NID1: variants seen among roughly 807,000 people sequenced by gnomAD.
NID1 encodes nidogen 1.
Under a neutral mutation model 130.6 loss-of-function variants are expected in NID1, and 76 were observed. The ratio of observed to expected loss-of-function variants is 0.58; its 90% CI spans 0.48 to 0.70. The LOEUF (loss-of-function observed/expected upper bound fraction) is 0.70. Ranked by LOEUF, NID1 falls within the 30% of genes least tolerant of loss-of-function variation. NID1 has a pLI of 0.00. For missense variants in NID1, 1,517 were observed against 1,664.8 expected (o/e 0.91, Z 1.54); for synonymous variants, 665 against 675.1 (o/e 0.98, Z 0.23).
chr1:236,003,205 G>C (rs1273424371), intron 12 of NID1, among the ~76,000 whole-genome samples: 1 of 107,188 alleles, frequency 9.3e-6, no homozygotes, highest in Non-Finnish European at 1.8e-5. Context: ...GTCACTCCTA[G>C]TGAACGACCG....
intron 7 of NID1, among the ~76,000 whole-genome samples, chr1:236,029,077 T>C (rs1413347461): frequency 6.6e-6 from 1 of 151,760 alleles, no homozygotes; most frequent in East Asian, 1.9e-4. Context: ...CTTGGGAAGC[T>C]GAGGCAGGAG....
At chr1:236,055,777 G>T (rs1023066515) in intron 1 of NID1, among the ~76,000 whole-genome samples, 2 of 152,156 alleles carry the variant, frequency 1.3e-5, no homozygotes, top group Non-Finnish European at 2.9e-5. Context: ...AGGGCCTGTG[G>T]CTCATTGTCC....
Position 236,026,069 on chromosome 1 carries a change from A to G in NID1, c.1811T>C (p.Ile604Thr), listed in dbSNP as rs374493914. 103 of 1,613,654 alleles carry G rather than the reference A, an allele frequency of 6.4e-5. No individual in the cohort carries two copies. The highest frequency in any genetic ancestry group is 8.5e-5 in the Non-Finnish European group (100 of 1,180,004). Residue 604 changes from isoleucine to threonine, a missense_variant, in exon 8 of 20, where the codon ATC (isoleucine) becomes ACC (threonine). By Grantham distance (89) the Ile-to-Thr change is moderately conservative (BLOSUM62 -1). Around this residue, in one of 3 missense-constraint regions of NID1, gnomAD observed 1,329 missense variants for 1,429.2 expected, o/e 0.93. Coordinates refer to ENST00000264187, the MANE Select transcript of NID1 (RefSeq NM_002508.3). Reference sequence around the variant, plus strand: ...GGTCTGGCGCCACTGGTAAGTGTAGATGCGTGAAGGAGATGCCCCATCTCG... The same window carrying G: ...GGTCTGGCGCCACTGGTAAGTGTAGGTGCGTGAAGGAGATGCCCCATCTCG... ...PERDGASPSR[I>T]YTYQWRQTIT...
Position 235,980,563 on chromosome 1 carries a change from A to G in NID1, c.3318T>C (p.Asp1106=), listed in dbSNP as rs1414335138. The change falls in exon 17 of 20, where the codon GAT becomes GAC. Residue 1106 remains aspartate, a synonymous_variant. Transcript: ENST00000264187. ...TCAGTCCATTGGGCAAGCCCAGGTC[A>G]TCCTGCACAAGGATCCTCCGGTTCG... ...DGTNRRILVQ[D]DLGLPNGLTF... The G allele has an allele frequency of 6.2e-7, 1 of 1,614,074 alleles. No individual in the cohort carries two copies. Among genetic ancestry groups the G allele is most frequent in the Admixed American group, 1.7e-5 (1 of 59,990 alleles).
chr1:236,058,512 G>A (rs181064627), intron 1 of NID1, among the ~76,000 whole-genome samples: 2 of 152,360 alleles, frequency 1.3e-5, no homozygotes, highest in Admixed American at 6.5e-5. Context: ...ACAAGAAGGG[G>A]ATGGACAGAG....
At chr1:236,044,963 C>T (rs1163183932) in intron 3 of NID1, among the ~76,000 whole-genome samples, 2 of 152,174 alleles carry the variant, frequency 1.3e-5, no homozygotes, top group South Asian at 2.1e-4. Flanking sequence ...CTTTGGGAGG[C>T]TGAGGTGGGC....
Position 235,977,771 on chromosome 1 carries a change from C to T in NID1, c.*96G>A. The T allele has an allele frequency of 2.8e-6, 4 of 1,435,680 alleles. No homozygotes were observed. The highest frequency in any genetic ancestry group is 3.8e-6 in the Non-Finnish European group (4 of 1,041,122). 88.9% of individuals were successfully genotyped at this position (1,435,680 alleles called of 1,614,324 possible). A position where few individuals can be genotyped will look rare whatever the true frequency, so the allele number is the denominator to read the frequency against. ...GCTGGGCTGGGTCTGGGCCTAGTGG[C>T]CACTCAGCCAGAGGACACTTTTCAA... On this transcript the variant is annotated 3_prime_UTR_variant, in exon 20 of 20. Transcript: ENST00000264187.
chr1:235,990,279 A>T (rs1657694369), intron 14 of NID1, among the ~76,000 whole-genome samples: 1 of 152,222 alleles, frequency 6.6e-6, no homozygotes, highest in Admixed American at 6.5e-5. Flanking sequence ...TGGCCCAAGT[A>T]GCATCTTTAC....
intron 5 of NID1, among the ~76,000 whole-genome samples, chr1:236,034,454 A>G (rs1254676258): frequency 6.6e-6 from 1 of 151,958 alleles, no homozygotes; most frequent in Non-Finnish European, 1.5e-5. Context: ...AAAGAAAAAG[A>G]AAAAGGCATG....
chr1:236,038,112 A>T lies in NID1; in HGVS notation c.1277T>A (p.Val426Asp). ...AGYTGNGRQCVAEGSPQRVNG... is the reference protein window; with the variant it reads ...AGYTGNGRQCDAEGSPQRVNG... Reference sequence around the variant, plus strand: ...ATAGAAAAGCAAATTACCTTCTGCAACACATTGCCTGCCATTGCCCGTATA... The same window carrying T: ...ATAGAAAAGCAAATTACCTTCTGCATCACATTGCCTGCCATTGCCCGTATA... The change falls in exon 5 of 20, where the codon GTT becomes GAT. Residue 426 changes from valine (V) to aspartate (D), a missense_variant. This residue lies in a region of NID1 where 1,329 missense variants were observed against 1,429.2 expected (regional missense o/e 0.93). Coordinates refer to ENST00000264187, the MANE Select transcript of NID1 (RefSeq NM_002508.3). 6.3e-7 allele frequency: 1 copy of T among 1,598,500 alleles called. No homozygotes were observed. The highest frequency in any genetic ancestry group is 8.6e-7 in the Non-Finnish European group (1 of 1,167,742).
chr1:236,061,004 AG>A (rs1240592830), intron 1 of NID1, among the ~76,000 whole-genome samples: 1 of 152,216 alleles, frequency 6.6e-6, no homozygotes, highest in African/African-American at 2.4e-5. Flanking sequence ...AAATTACAGG[AG>A]AAGAGTTCAG....
At chr1:236,022,596 C>A (rs1658798525) in intron 9 of NID1, among the ~76,000 whole-genome samples, 1 of 151,038 alleles carries the variant, frequency 6.6e-6, no homozygotes, top group Admixed American at 6.6e-5. Context: ...CCTCGGCCTC[C>A]CAAAGTGCTG....
chr1:235,979,176 G>A lies in NID1; in HGVS notation c.3510-69C>T. On this transcript the variant is annotated intron_variant, in intron 18 of 19. Transcript: ENST00000264187. This position sits in a 1 kb window ranked among gnomAD's most constrained non-coding sequence, Gnocchi z 4.6. Reference sequence around the variant, plus strand: ...CTTGAACTTGTATCTAAACAAGGCAGCCTCTTTGTCATTTTGAGGATAAAC... The same window carrying A: ...CTTGAACTTGTATCTAAACAAGGCAACCTCTTTGTCATTTTGAGGATAAAC... 1 of 987,704 alleles carries A rather than the reference G, an allele frequency of 1.0e-6. No homozygotes were observed. The highest frequency in any genetic ancestry group is 1.6e-6 in the Non-Finnish European group (1 of 623,480). 61.2% of individuals were successfully genotyped at this position (987,704 alleles called of 1,614,324 possible).
At position 236,032,388 on chromosome 1, in the gene NID1, G is replaced by A. The variant is rs946470961; in HGVS notation, c.1537+13C>T. The A allele has an allele frequency of 8.7e-6, 14 of 1,612,244 alleles. No homozygotes were observed. The highest frequency in any genetic ancestry group is 1.1e-5 in the Non-Finnish European group (13 of 1,178,992). On this transcript the variant is annotated intron_variant, in intron 6 of 19. Coordinates refer to ENST00000264187, the MANE Select transcript of NID1 (RefSeq NM_002508.3). ...TGTGTGACCCACTAATTTTAATGTC[G>A]GATATAAATTACCGGTGATGCTGAA...
At chr1:236,039,265 A>G (rs373647102) in intron 4 of NID1, among the ~76,000 whole-genome samples, 1 of 149,990 alleles carries the variant, frequency 6.7e-6, no homozygotes, top group Non-Finnish European at 1.5e-5. Context: ...GGTAAAATAT[A>G]TATAACATAA....
intron 6 of NID1, 72 bp downstream of exon 6, chr1:236,032,329 T>C (rs927831271): frequency 9.6e-6 from 15 of 1,556,062 alleles, no homozygotes; most frequent in Admixed American, 1.8e-5. Context: ...GAGTTCTCCT[T>C]CCATCCATCC....
At position 235,979,959 on chromosome 1, in the gene NID1, A is replaced by C. The variant is rs369791550; in HGVS notation, c.3386-14T>G. On this transcript the variant is annotated splice_polypyrimidine_tract_variant and intron_variant, in intron 17 of 19. Coordinates refer to ENST00000264187, the MANE Select transcript of NID1 (RefSeq NM_002508.3). This position sits in a 1 kb window ranked among gnomAD's most constrained non-coding sequence, Gnocchi z 4.6. ...CCCGATTGGTGCCTGTGTGGAGTGG[A>C]AACAATTCATTCATTGTTCACACAA... is the stretch of plus-strand genomic sequence containing the variant. 6.2e-7 allele frequency: 1 copy of C among 1,613,504 alleles called. No individual in the cohort carries two copies. Among genetic ancestry groups the C allele is most frequent in the African/African-American group, 1.3e-5 (1 of 74,886 alleles).
Position 236,037,610 on chromosome 1 carries a change from G to T in NID1, c.1285+494C>A, listed in dbSNP as rs368569935. ...GAGATGAAAGCTGCAGTGAGCCAAG[G>T]TCACACCACTGCACTCTAGCCTGGG... On this transcript the variant is annotated intron_variant, in intron 5 of 19. Coordinates refer to ENST00000264187, the MANE Select transcript of NID1 (RefSeq NM_002508.3). Among the ~76,000 whole-genome samples the T allele has an allele frequency of 4.6e-4, 69 of 151,448 alleles. 2 individuals are homozygous for T. In the East Asian group the frequency reaches 9.9e-3, roughly 22 times the overall value.
intron 9 of NID1, among the ~76,000 whole-genome samples, chr1:236,019,024 C>T (rs141442915): frequency 7.2e-5 from 11 of 152,342 alleles, no homozygotes; most frequent in African/African-American, 2.6e-4. Flanking sequence ...CAGGCAAATA[C>T]CCAAACCAAA....
Sources: allele counts gnomAD v4.1 joint callset (sites outside exome capture counted in the v4.1 genomes callset), GRCh38; gene constraint gnomAD v4.1.1; regional missense constraint gnomAD v4.1.1; non-coding constraint Gnocchi (gnomAD v3.1); transcripts MANE v1.5; gene names NCBI Gene and HGNC (gene_info 2026-07-23, HGNC 2026-07-21).